The following MTHFD1L variants were observed in gnomAD, a reference collection of about 807,000 sequenced individuals.
The protein encoded by MTHFD1L is methylenetetrahydrofolate dehydrogenase (NADP+ dependent) 1 like.
Under a neutral mutation model 119.5 loss-of-function variants are expected in MTHFD1L, and 81 were observed. The observed-to-expected ratio is 0.68, with a 90% CI of 0.57 to 0.82. The LOEUF (loss-of-function observed/expected upper bound fraction) is 0.82, where lower values mean the gene tolerates loss of function less well. Among genes scored for constraint, MTHFD1L ranks in the 40% least tolerant of loss-of-function variants. MTHFD1L has a pLI of 0.00. For synonymous variants in MTHFD1L, 430 were observed against 475.2 expected, an observed-to-expected ratio of 0.90 and a Z score of 1.24; for missense variants, 1,125 against 1,253.4, an observed-to-expected ratio of 0.90 and a Z score of 1.55.
chr6:151,049,800 G>A (rs549611862), intron 26 of MTHFD1L, among the ~76,000 whole-genome samples: 1 of 152,298 alleles, frequency 6.6e-6, no homozygotes, highest in South Asian at 2.1e-4. Flanking sequence ...CATGGTTCCT[G>A]GTTCCTGAAT....
chr6:150,959,311 T>G, intron 17 of MTHFD1L: 1 of 604,102 alleles, frequency 1.7e-6, no homozygotes, highest in Non-Finnish European at 2.1e-6. Context: ...CCATTCTCTC[T>G]CTGCGTAAGC....
At chr6:151,029,140 G>A (rs1041257142) in intron 24 of MTHFD1L, among the ~76,000 whole-genome samples, 11 of 151,964 alleles carry the variant, frequency 7.2e-5, no homozygotes, top group African/African-American at 2.2e-4. Context: ...TATATTTTAG[G>A]CCAGACACAG....
At chr6:150,895,997 G>T (rs1333102110) in intron 7 of MTHFD1L, among the ~76,000 whole-genome samples, 1 of 152,236 alleles carries the variant, frequency 6.6e-6, no homozygotes, top group Admixed American at 6.5e-5. Context: ...CACTTATTCT[G>T]TTAGGCAGGA....
chr6:150,972,941 C>T (rs990434301), intron 20 of MTHFD1L, among the ~76,000 whole-genome samples: 2 of 152,322 alleles, frequency 1.3e-5, no homozygotes, highest in Non-Finnish European at 2.9e-5. Flanking sequence ...GGGCAACTCT[C>T]ATAGAGTTTA....
At chr6:150,931,286 T>C (rs1790995054) in intron 11 of MTHFD1L, among the ~76,000 whole-genome samples, 1 of 147,240 alleles carries the variant, frequency 6.8e-6, no homozygotes. Flanking sequence ...TTTTTTTTTT[T>C]TTTTTCTGCA....
chr6:151,066,010 G>GTTC (rs1791190355), intron 26 of MTHFD1L, among the ~76,000 whole-genome samples: 1 of 142,818 alleles, frequency 7.0e-6, no homozygotes, highest in South Asian at 2.2e-4. Flanking sequence ...ATTTATAGTA[G>GTTC]CTCCTCATTA....
chr6:150,866,469 C>T lies in MTHFD1L; in HGVS notation c.227+420C>T, dbSNP rs868076062. 2.3e-6 allele frequency: 3 copies of T among 1,316,712 alleles called. No homozygotes were observed. The South Asian group carries it at 6.2e-5, about 27-fold the overall frequency. 81.6% of individuals were successfully genotyped at this position (1,316,712 alleles called of 1,614,324 possible). A position where few individuals can be genotyped will look rare whatever the true frequency, so the allele number is the denominator to read the frequency against. ...AGGGCGGGGCTGCGGCTCGGCGCGC[C>T]GGCTGGCCCGGGGTTCGGGAAGGGC... On this transcript the variant is annotated intron_variant, in intron 1 of 27. Transcript: ENST00000367321.
At chr6:151,046,471 G>GTATATATATATATA (rs1156377344) in intron 26 of MTHFD1L, among the ~76,000 whole-genome samples, 1 of 36,428 alleles carries the variant, frequency 2.7e-5, no homozygotes, top group African/African-American at 6.0e-5. Context: ...ATGTGTGTGT[G>GTATATATATATATA]TATATATATA....
At chr6:150,965,286 A>G (rs573438730) in intron 19 of MTHFD1L, among the ~76,000 whole-genome samples, 2 of 152,272 alleles carry the variant, frequency 1.3e-5, no homozygotes, top group East Asian at 3.9e-4. Context: ...CCAACCAAAA[A>G]AAAAAATTTT....
chr6:150,985,087 TG>T (rs1454916541), intron 20 of MTHFD1L: 1 of 152,244 alleles, frequency 6.6e-6, no homozygotes. Flanking sequence ...GCATGGACTG[TG>T]GCACAAATAG....
chr6:151,003,503 G>A (rs538118658), intron 20 of MTHFD1L, among the ~76,000 whole-genome samples: 1 of 151,792 alleles, frequency 6.6e-6, no homozygotes, highest in South Asian at 2.1e-4. Flanking sequence ...TTGCATTCCA[G>A]CCTGGGCAAA....
At chr6:150,866,665 G>A in intron 1 of MTHFD1L, 1 of 1,185,720 alleles carries the variant, frequency 8.4e-7, no homozygotes, top group Non-Finnish European at 1.0e-6. Context: ...ACAGCCGCCG[G>A]GGGGAATCCG....
At chr6:150,890,417 G>A (rs916935050) in intron 7 of MTHFD1L, among the ~76,000 whole-genome samples, 1 of 152,088 alleles carries the variant, frequency 6.6e-6, no homozygotes, top group Non-Finnish European at 1.5e-5. Context: ...GGAGACAGGG[G>A]CAGGATTTCG....
chr6:151,001,445 A>G (rs894632115), intron 20 of MTHFD1L, among the ~76,000 whole-genome samples: 2 of 152,244 alleles, frequency 1.3e-5, no homozygotes, highest in Non-Finnish European at 1.5e-5. Flanking sequence ...CCAGTGTAAA[A>G]GCAGAAATGA....
chr6:150,938,603 T>C, intron 12 of MTHFD1L, 96 bp from the exon 13 acceptor site: 11 of 1,311,504 alleles, frequency 8.4e-6, no homozygotes, highest in Non-Finnish European at 1.2e-5. Context: ...GTGACGCCTC[T>C]CTGTTGGGTT....
chr6:151,071,836 G>GTTTTTTTT (rs1791971307), intron 26 of MTHFD1L, among the ~76,000 whole-genome samples: 1 of 112,484 alleles, frequency 8.9e-6, no homozygotes, highest in African/African-American at 3.1e-5. Flanking sequence ...TGTAAGTACA[G>GTTTTTTTT]ATTTTTTTTT....
chr6:150,921,124 T>G (rs1788851080), intron 9 of MTHFD1L, among the ~76,000 whole-genome samples: 2 of 151,228 alleles, frequency 1.3e-5, no homozygotes, highest in Admixed American at 1.3e-4. Context: ...CCGGCTAATT[T>G]TTTGTATTTT....
chr6:151,044,183 A>G (rs1450715379), intron 26 of MTHFD1L, among the ~76,000 whole-genome samples: 1 of 151,816 alleles, frequency 6.6e-6, no homozygotes, highest in Non-Finnish European at 1.5e-5. Flanking sequence ...CCTGCCCCCC[A>G]TGTGGTTATC....
chr6:150,871,446 T>C (rs1415430404), intron 1 of MTHFD1L, among the ~76,000 whole-genome samples: 3 of 148,810 alleles, frequency 2.0e-5, no homozygotes, highest in African/African-American at 7.3e-5. Context: ...GTCAATCCTC[T>C]CAAACCCTGC....
Sources: gnomAD v4.1 joint callset for allele counts (sites outside exome capture counted in the v4.1 genomes callset) on GRCh38, gnomAD v4.1.1 for gene constraint, MANE v1.5 for transcripts, NCBI Gene and HGNC (gene_info 2026-07-23, HGNC 2026-07-21) for gene names.